The following MARCHF11 variants were observed in gnomAD, a reference collection of about 807,000 sequenced individuals.
MARCHF11 encodes the protein membrane associated ring-CH-type finger 11.
In MARCHF11, 29 loss-of-function variants were observed where a neutral mutation model predicts 37.3. The ratio of observed to expected loss-of-function variants is 0.78; its 90% CI spans 0.58 to 1.06. MARCHF11 has a LOEUF of 1.06. MARCHF11 is among the 50% of genes least tolerant of loss of function. The pLI, the probability that MARCHF11 is intolerant of heterozygous loss-of-function variation, is 0.00. For missense variants in MARCHF11, 482 were observed against 533.4 expected (o/e 0.90, Z 0.95); for synonymous variants, 233 against 228.0 (o/e 1.02, Z -0.20).
chr5:16,173,222 A>G (rs1738301090), intron 2 of MARCHF11, among the ~76,000 whole-genome samples: 1 of 152,308 alleles, frequency 6.6e-6, no homozygotes, highest in East Asian at 1.9e-4. Context: ...AAGTTGGTGA[A>G]CATCATGATT....
chr5:16,082,918 C>G (rs569830785), intron 3 of MARCHF11, among the ~76,000 whole-genome samples: 2 of 152,238 alleles, frequency 1.3e-5, no homozygotes, highest in South Asian at 2.1e-4. Context: ...AGCAGGTAAG[C>G]AGCCTTCTGC....
chr5:16,146,929 TG>T (rs1478263347), intron 2 of MARCHF11, among the ~76,000 whole-genome samples: 2 of 152,140 alleles, frequency 1.3e-5, no homozygotes, highest in Admixed American at 1.3e-4. Flanking sequence ...TTAGCTATCC[TG>T]TGCTAAAAAT....
intron 2 of MARCHF11, 28 bp downstream of exon 2, chr5:16,177,698 A>C: frequency 1.3e-6 from 2 of 1,570,900 alleles, no homozygotes; most frequent in South Asian, 2.4e-5. Context: ...AAATTATTTC[A>C]GGAAAAATAA....
At chr5:16,129,001 C>T (rs1004970667) in intron 2 of MARCHF11, among the ~76,000 whole-genome samples, 1 of 152,268 alleles carries the variant, frequency 6.6e-6, no homozygotes, top group South Asian at 2.1e-4. Context: ...ATGGCCACAT[C>T]CTTTTCAACA....
intron 2 of MARCHF11, among the ~76,000 whole-genome samples, chr5:16,116,210 A>G (rs563362485): frequency 2.0e-5 from 3 of 152,302 alleles, no homozygotes; most frequent in East Asian, 1.9e-4. Context: ...AAGCATTTCA[A>G]TCACACAAGG....
chr5:16,130,253 C>A (rs1737493766), intron 2 of MARCHF11, among the ~76,000 whole-genome samples: 2 of 134,746 alleles, frequency 1.5e-5, no homozygotes, highest in Admixed American at 7.1e-5. Context: ...CAGGTACATA[C>A]ACACACACAC....
intron 2 of MARCHF11, among the ~76,000 whole-genome samples, chr5:16,128,680 T>A (rs896159812): frequency 1.3e-5 from 2 of 152,206 alleles, no homozygotes; most frequent in Admixed American, 6.5e-5. Context: ...ACATAGAAAG[T>A]GTCTTAACAA....
intron 3 of MARCHF11, among the ~76,000 whole-genome samples, chr5:16,068,794 T>C (rs1176847804): frequency 6.6e-6 from 1 of 152,108 alleles, no homozygotes; most frequent in Non-Finnish European, 1.5e-5. Flanking sequence ...TCAGGTGAGG[T>C]GAAGTGAGGA....
At chr5:16,112,550 A>G (rs778583836) in intron 2 of MARCHF11, among the ~76,000 whole-genome samples, 3 of 152,160 alleles carry the variant, frequency 2.0e-5, no homozygotes, top group South Asian at 2.1e-4. Flanking sequence ...GAAGTAACTA[A>G]CTAGCTTTTG....
At chr5:16,154,764 AG>A in intron 2 of MARCHF11, among the ~76,000 whole-genome samples, 1 of 152,110 alleles carries the variant, frequency 6.6e-6, no homozygotes, top group East Asian at 1.9e-4. Flanking sequence ...ACTAGTAATC[AG>A]GGAAACACAA....
intron 2 of MARCHF11, among the ~76,000 whole-genome samples, chr5:16,120,254 T>C (rs926671025): frequency 1.3e-5 from 2 of 152,228 alleles, no homozygotes; most frequent in Non-Finnish European, 2.9e-5. Context: ...TTGCCCAGAA[T>C]GAGCTTCCAC....
intron 2 of MARCHF11, among the ~76,000 whole-genome samples, chr5:16,119,008 G>A (rs1737265905): frequency 6.6e-6 from 1 of 152,134 alleles, no homozygotes; most frequent in South Asian, 2.1e-4. Context: ...GGGGCTGAGA[G>A]GCTACATAAC....
At chr5:16,083,703 G>C (rs1229013131) in intron 3 of MARCHF11, among the ~76,000 whole-genome samples, 1 of 152,148 alleles carries the variant, frequency 6.6e-6, no homozygotes, top group Non-Finnish European at 1.5e-5. Context: ...AGATACCGGA[G>C]GGCATGAAAA....
intron 2 of MARCHF11, among the ~76,000 whole-genome samples, chr5:16,136,601 G>A (rs1737615145): frequency 6.6e-6 from 1 of 152,208 alleles, no homozygotes; most frequent in African/African-American, 2.4e-5. Context: ...AATGGGCTAT[G>A]CTATGACAAA....
chr5:16,080,349 C>T (rs1736586799), intron 3 of MARCHF11, among the ~76,000 whole-genome samples: 1 of 152,142 alleles, frequency 6.6e-6, no homozygotes, highest in South Asian at 2.1e-4. Context: ...CGATCCTCTC[C>T]CTCCCCTTCC....
chr5:16,123,980 C>A (rs554965311), intron 2 of MARCHF11, among the ~76,000 whole-genome samples: 94 of 151,424 alleles, frequency 6.2e-4, no homozygotes, highest in African/African-American at 2.2e-3. Context: ...CAGCACACTA[C>A]CTTCCTCCAA....
At chr5:16,151,264 A>G (rs555308094) in intron 2 of MARCHF11, among the ~76,000 whole-genome samples, 1 of 152,144 alleles carries the variant, frequency 6.6e-6, no homozygotes, top group East Asian at 1.9e-4. Flanking sequence ...GTCATTCACC[A>G]GCGTTTATGG....
At chr5:16,151,333 C>T (rs1737883584) in intron 2 of MARCHF11, among the ~76,000 whole-genome samples, 1 of 151,860 alleles carries the variant, frequency 6.6e-6, no homozygotes, top group Non-Finnish European at 1.5e-5. Context: ...AAATCAATAT[C>T]CTCATGCATA....
intron 2 of MARCHF11, among the ~76,000 whole-genome samples, chr5:16,115,222 A>T (rs1176273570): frequency 6.6e-6 from 1 of 152,202 alleles, no homozygotes; most frequent in Non-Finnish European, 1.5e-5. Context: ...AATTTAAACC[A>T]TTATTTTGTA....
Sources: gnomAD v4.1 joint callset for allele counts (sites outside exome capture counted in the v4.1 genomes callset) on GRCh38, gnomAD v4.1.1 for gene constraint, MANE v1.5 for transcripts, NCBI Gene and HGNC (gene_info 2026-07-23, HGNC 2026-07-21) for gene names.